EDA: variants seen among roughly 807,000 people sequenced by gnomAD.
EDA encodes ectodysplasin-A.
Under a neutral mutation model 23.6 loss-of-function variants are expected in EDA, and 2 were observed. The ratio of observed to expected loss-of-function variants is 0.08; its 90% CI spans 0.03 to 0.27. EDA has a LOEUF of 0.27. Among genes scored for constraint, EDA ranks in the 10% least tolerant of loss-of-function variants. The probability of loss-of-function intolerance (pLI) is 1.00; values close to 1 mark genes in which losing one functional copy is unlikely to be tolerated. For synonymous variants in EDA, 131 were observed against 132.0 expected, an observed-to-expected ratio of 0.99 and a Z score of 0.05; for missense variants, 229 against 324.2, an observed-to-expected ratio of 0.71 and a Z score of 2.26.
intron 1 of EDA, among the ~76,000 whole-genome samples, chrX:69,874,602 TTCACCATTTC>T (rs1306746155): frequency 1.8e-5 from 2 of 111,424 alleles, no homozygotes; most frequent in Admixed American, 9.5e-5. Flanking sequence ...GATGCCCACT[TTCACCATTTC>T]TATTCAACAT....
At chrX:69,853,162 A>T (rs2017170388) in intron 1 of EDA, among the ~76,000 whole-genome samples, 1 of 112,239 alleles carries the variant, frequency 8.9e-6, no homozygotes, top group African/African-American at 3.2e-5. Context: ...ATATAGTTAA[A>T]TAAAAGAAGG....
intron 1 of EDA, among the ~76,000 whole-genome samples, chrX:69,728,626 G>A (rs1250780481): frequency 1.8e-5 from 2 of 112,027 alleles, no homozygotes; most frequent in Non-Finnish European, 3.8e-5. Flanking sequence ...ATTTTAAGCA[G>A]GAGAGTGTAC....
chrX:69,918,354 G>C (rs1008915652), intron 1 of EDA, among the ~76,000 whole-genome samples: 1 of 109,615 alleles, frequency 9.1e-6, no homozygotes. Context: ...ATGGGGTTTC[G>C]CCATATTGGC....
intron 2 of EDA, among the ~76,000 whole-genome samples, chrX:70,000,504 A>T (rs2019725725): frequency 8.9e-6 from 1 of 112,541 alleles, no homozygotes; most frequent in Non-Finnish European, 1.9e-5. Flanking sequence ...TAAATCCTTC[A>T]AGGCCATTTC....
At chrX:69,991,138 C>G (rs1009312595) in intron 2 of EDA, among the ~76,000 whole-genome samples, 4 of 111,214 alleles carry the variant, frequency 3.6e-5, no homozygotes, top group Non-Finnish European at 5.7e-5. Context: ...AAACTTCTGT[C>G]AAATAGCTCA....
intron 1 of EDA, among the ~76,000 whole-genome samples, chrX:69,710,599 G>A (rs777329945): frequency 2.7e-5 from 3 of 111,690 alleles, no homozygotes; most frequent in South Asian, 3.8e-4. Flanking sequence ...CCATTTTCAC[G>A]ATATTAATTC....
At chrX:69,944,464 TC>T (rs1420215864) in intron 1 of EDA, among the ~76,000 whole-genome samples, 1 of 111,545 alleles carries the variant, frequency 9.0e-6, no homozygotes, top group Non-Finnish European at 1.9e-5. Context: ...TTTAGAAATG[TC>T]CTCCAGGAGC....
At chrX:70,023,926 C>T (rs772586010) in intron 3 of EDA, among the ~76,000 whole-genome samples, 1 of 111,771 alleles carries the variant, frequency 8.9e-6, no homozygotes, top group Admixed American at 9.5e-5. Context: ...GTCAGTAAGT[C>T]CCCAGTGTAC....
chrX:69,780,907 A>G (rs2014922078), intron 1 of EDA, among the ~76,000 whole-genome samples: 2 of 111,435 alleles, frequency 1.8e-5, no homozygotes, highest in Admixed American at 1.9e-4. Flanking sequence ...CAATGTGAGA[A>G]CAGACTAATA....
At chrX:69,697,303 C>T (rs2011381544) in intron 1 of EDA, among the ~76,000 whole-genome samples, 1 of 111,534 alleles carries the variant, frequency 9.0e-6, no homozygotes, top group South Asian at 3.8e-4. Context: ...TCTCTTCCTG[C>T]TTCTGCTATC....
chrX:69,850,046 A>C (rs1421615022), intron 1 of EDA, among the ~76,000 whole-genome samples: 1 of 112,345 alleles, frequency 8.9e-6, no homozygotes, highest in East Asian at 2.8e-4. Context: ...GGTGTGATTA[A>C]GGCCATATCT....
chrX:69,734,365 G>C (rs889001510), intron 1 of EDA, among the ~76,000 whole-genome samples: 6 of 110,918 alleles, frequency 5.4e-5, no homozygotes, highest in Non-Finnish European at 3.8e-5. Context: ...CAATTTTTTT[G>C]GTCTTTTCAT....
chrX:69,982,322 G>A lies in EDA; in HGVS notation c.502+25190G>A, dbSNP rs73226460. ...GCACAAGGAACAAAGTTTCCCTGCC[G>A]CTTACATCTTTCCCCCCAAGAAACA... On this transcript the variant is annotated intron_variant, in intron 2 of 7. Transcript: ENST00000374552. Among the ~76,000 whole-genome samples the A allele has an allele frequency of 6.2e-3, 691 of 111,123 alleles. 3 individuals are homozygous for A. The highest frequency in any genetic ancestry group is 0.01 in the Non-Finnish European group (545 of 52,945).
chrX:69,665,057 G>A (rs1456656498), intron 1 of EDA, among the ~76,000 whole-genome samples: 1 of 111,527 alleles, frequency 9.0e-6, no homozygotes, highest in Non-Finnish European at 1.9e-5. Context: ...TTTCCCTGGT[G>A]ACTAATGATG....
chrX:69,644,913 C>T (rs976691549), intron 1 of EDA, among the ~76,000 whole-genome samples: 5 of 111,701 alleles, frequency 4.5e-5, no homozygotes, highest in Non-Finnish European at 7.5e-5. Context: ...TGATGAGTCA[C>T]GTTTATTGAT....
chrX:69,794,045 T>C (rs762442877), intron 1 of EDA, among the ~76,000 whole-genome samples: 74 of 111,793 alleles, frequency 6.6e-4, no homozygotes, highest in Non-Finnish European at 1.3e-3. Context: ...ATTTACTGAA[T>C]GCTTTTCACT....
intron 2 of EDA, among the ~76,000 whole-genome samples, chrX:69,981,349 G>T (rs772179219): frequency 3.6e-5 from 4 of 111,589 alleles, no homozygotes; most frequent in Non-Finnish European, 7.5e-5. Flanking sequence ...GAAGAGAATT[G>T]AGCAGGAAAT....
chrX:69,850,124 A>T (rs1487664106), intron 1 of EDA, among the ~76,000 whole-genome samples: 1 of 112,195 alleles, frequency 8.9e-6, no homozygotes, highest in Non-Finnish European at 1.9e-5. Context: ...TTTATAATCA[A>T]TATTAATTGT....
intron 1 of EDA, among the ~76,000 whole-genome samples, chrX:69,886,520 C>T (rs916079755): frequency 8.2e-5 from 9 of 110,320 alleles, no homozygotes; most frequent in African/African-American, 3.1e-4. Context: ...CAGCTGCAGA[C>T]TACAGTAGTA....
Sources: allele counts gnomAD v4.1 joint callset (sites outside exome capture counted in the v4.1 genomes callset), GRCh38; gene constraint gnomAD v4.1.1; transcripts MANE v1.5; gene names NCBI Gene and HGNC (gene_info 2026-07-23, HGNC 2026-07-21).